The following RNF4 variants were observed in gnomAD, a reference collection of about 807,000 sequenced individuals.
The protein encoded by RNF4 is E3 ubiquitin-protein ligase RNF4.
RNF4 carries 7 observed loss-of-function variants against 24.3 expected under a neutral mutation model. The observed-to-expected ratio is 0.29, with a 90% confidence interval of 0.16 to 0.54. RNF4 has a LOEUF of 0.54. RNF4 is among the 20% of genes least tolerant of loss of function. The probability of loss-of-function intolerance (pLI) is 0.95; values close to 1 mark genes in which losing one functional copy is unlikely to be tolerated. For synonymous variants in RNF4, 83 were observed against 84.3 expected (o/e 0.98, Z 0.09); for missense variants, 209 against 248.5 (o/e 0.84, Z 1.07).
At chr4:2,508,494 A>T (rs1736167747) in intron 4 of RNF4, among the ~76,000 whole-genome samples, 1 of 152,230 alleles carries the variant, frequency 6.6e-6, no homozygotes, top group Non-Finnish European at 1.5e-5. Flanking sequence ...CACTGGGTGG[A>T]GGGAACACCA....
At position 2,512,359 on chromosome 4, in the gene RNF4, TAAG is replaced by T; in HGVS notation, c.215-77_215-75del. 1 of 1,504,298 alleles carries T rather than the reference TAAG, an allele frequency of 6.6e-7. No homozygotes were observed. The highest frequency in any genetic ancestry group is 1.4e-5 in the African/African-American group (1 of 72,202). 93.2% of individuals were successfully genotyped at this position (1,504,298 alleles called of 1,614,324 possible). A position where few individuals can be genotyped will look rare whatever the true frequency, so the allele number is the denominator to read the frequency against. On this transcript the variant is annotated intron_variant, in intron 5 of 7. Transcript: ENST00000314289. The surrounding 1 kb of genome is among the most constrained non-coding windows in gnomAD (Gnocchi z 4.1). The stretch of plus-strand genomic sequence containing the variant: ...CCCAGGCAGGGAAGGAAGAGGGTCT[TAAG>T]AGGCGTCAGGATGGGAGTGGTGAGG...
rs554191644 is a variant in RNF4 at position 2,506,636 on chromosome 4, C to T, written c.205-5320C>T. Among the ~76,000 whole-genome samples, 6 of 151,672 alleles carry T rather than the reference C, an allele frequency of 4.0e-5. No individual in the cohort carries two copies. In the South Asian group the frequency reaches 8.3e-4, roughly 21 times the overall value. ...AGGCTGGAGTGCAGTGGTGCCATCA[C>T]GGCTCACTGCAGCCTGTACCTTCTG... is the stretch of plus-strand genomic sequence containing the variant. On this transcript the variant is annotated intron_variant, in intron 4 of 7. Transcript: ENST00000314289.
chr4:2,495,923 G>A (rs940314586), intron 2 of RNF4, among the ~76,000 whole-genome samples: 4 of 152,190 alleles, frequency 2.6e-5, no homozygotes, highest in African/African-American at 7.2e-5. Context: ...GAGCCACTGC[G>A]CCTGGCCAGC....
intron 7 of RNF4, among the ~76,000 whole-genome samples, chr4:2,513,417 A>T (rs978435414): frequency 2.1e-4 from 32 of 152,226 alleles, no homozygotes; most frequent in Non-Finnish European, 1.0e-4. Context: ...GAAAGCTGCT[A>T]GTGTTTACTG....
chr4:2,476,745 A>G (rs945220144), intron 1 of RNF4, among the ~76,000 whole-genome samples: 13 of 133,256 alleles, frequency 9.8e-5, no homozygotes, highest in African/African-American at 3.7e-4. Flanking sequence ...TTGTCTTCCT[A>G]TGTTTCCCGG....
intron 4 of RNF4, among the ~76,000 whole-genome samples, chr4:2,509,915 C>T (rs997939032): frequency 6.6e-6 from 1 of 152,174 alleles, no homozygotes; most frequent in African/African-American, 2.4e-5. Flanking sequence ...TTTGCTTTTG[C>T]TCCCAGCTAA....
chr4:2,502,397 G>C (rs1186500675), intron 4 of RNF4, among the ~76,000 whole-genome samples: 1 of 152,054 alleles, frequency 6.6e-6, no homozygotes, highest in Non-Finnish European at 1.5e-5. Context: ...TTAGAAACAG[G>C]GTCTCAGGCT....
At chr4:2,485,069 C>T (rs1735365573) in intron 1 of RNF4, among the ~76,000 whole-genome samples, 1 of 152,164 alleles carries the variant, frequency 6.6e-6, no homozygotes, top group Non-Finnish European at 1.5e-5. Flanking sequence ...ACCCCACCCA[C>T]ATACATTGTT....
chr4:2,514,819 C>G lies in RNF4; in HGVS notation c.*1000C>G, dbSNP rs1012488576. 1.3e-5 allele frequency: 2 copies of G among 152,698 alleles called. No homozygotes were observed. Among genetic ancestry groups the G allele is most frequent in the African/African-American group, 2.4e-5 (1 of 41,444 alleles). The allele number at this position is 152,698 out of a possible 1,614,324, so 9.5% of individuals were successfully genotyped here. A position where few individuals can be genotyped will look rare whatever the true frequency, so the allele number is the denominator to read the frequency against. On this transcript the variant is annotated 3_prime_UTR_variant, in exon 8 of 8. Transcript: ENST00000314289. Reference sequence around the variant, plus strand: ...GCCCAGGTCACTGTTGCCCCATGTTCGGAGAACCTGGCCCACCTGTCTTGG... The same window carrying G: ...GCCCAGGTCACTGTTGCCCCATGTTGGGAGAACCTGGCCCACCTGTCTTGG...
rs948558138 is a variant in RNF4, at chr4:2,513,959, A to T, written c.*140A>T. The T allele has an allele frequency of 1.4e-4, 155 of 1,144,720 alleles. No individual in the cohort carries two copies. Among genetic ancestry groups the T allele is most frequent in the Non-Finnish European group, 1.8e-4 (142 of 797,012 alleles). 70.9% of individuals were successfully genotyped at this position (1,144,720 alleles called of 1,614,324 possible). On this transcript the variant is annotated 3_prime_UTR_variant, in exon 8 of 8. Transcript: ENST00000314289. ...TATGTAAACTGCTCTTTTGTTTCCA[A>T]CCCCTTCCTTTTGTTATCTCCAGTT... is the stretch of plus-strand genomic sequence containing the variant.
intron 1 of RNF4, among the ~76,000 whole-genome samples, chr4:2,489,592 C>A (rs1046849745): frequency 6.6e-6 from 1 of 152,148 alleles, no homozygotes; most frequent in African/African-American, 2.4e-5. Flanking sequence ...GAAGCACTCT[C>A]CTAATCTAAG....
intron 1 of RNF4, among the ~76,000 whole-genome samples, chr4:2,478,620 C>T (rs1035689114): frequency 2.0e-4 from 30 of 152,378 alleles, no homozygotes; most frequent in African/African-American, 7.0e-4. Context: ...GGCCCCAAAC[C>T]TTGGCAGCTT....
chr4:2,504,395 A>T (rs1291731060), intron 4 of RNF4, among the ~76,000 whole-genome samples: 1 of 152,110 alleles, frequency 6.6e-6, no homozygotes, highest in Non-Finnish European at 1.5e-5. Flanking sequence ...AGCCATTCTG[A>T]TGCTTGTCCA....
intron 2 of RNF4, among the ~76,000 whole-genome samples, chr4:2,493,444 G>A (rs1735640029): frequency 6.6e-6 from 1 of 152,070 alleles, no homozygotes; most frequent in South Asian, 2.1e-4. Flanking sequence ...AACCACACAG[G>A]TAGCTGTGGG....
Position 2,511,983 on chromosome 4 carries a change from CT to C in RNF4, c.214+23del, listed in dbSNP as rs1684796583. 3.1e-6 allele frequency: 5 copies of C among 1,604,918 alleles called. No homozygotes were observed. The highest frequency in any genetic ancestry group is 1.7e-5 in the Admixed American group (1 of 58,580). On this transcript the variant is annotated intron_variant, in intron 5 of 7. Transcript: ENST00000314289. ...TGTTGACGGTGAGTGGTTTCGTTTC[CT>C]TTTTCACTGGGTTTGGAGAGGAAAC...
chr4:2,513,659 A>G lies in RNF4; in HGVS notation c.424-11A>G. The G allele has an allele frequency of 6.2e-7, 1 of 1,612,932 alleles. No homozygotes were observed. Among genetic ancestry groups the G allele is most frequent in the Non-Finnish European group, 8.5e-7 (1 of 1,179,702 alleles). On this transcript the variant is annotated splice_polypyrimidine_tract_variant and intron_variant, in intron 7 of 7. Coordinates refer to ENST00000314289, the MANE Select transcript of RNF4 (RefSeq NM_002938.5). ...GCAAACTCGGAGGCTCTTCTTTTTA[A>G]TGCCTTCTAGATCGTGCAGAATGGA...
Position 2,498,910 on chromosome 4 carries a change from C to G in RNF4, c.125-1749C>G, listed in dbSNP as rs561830863. 2.0e-5 allele frequency among the ~76,000 whole-genome samples: 3 copies of G among 151,700 alleles called. No individual in the cohort carries two copies. In the South Asian group the frequency reaches 6.2e-4, roughly 32 times the overall value. ...CCTAAAAAATAAATAAAAGAAGTTA[C>G]GTTGGGTTGGGCGCCATGGCTGGCT... On this transcript the variant is annotated intron_variant, in intron 3 of 7. Transcript: ENST00000314289.
At chr4:2,509,387 T>G (rs1184983156) in intron 4 of RNF4, among the ~76,000 whole-genome samples, 2 of 151,586 alleles carry the variant, frequency 1.3e-5, no homozygotes, top group Non-Finnish European at 2.9e-5. Flanking sequence ...CCAGCTAATT[T>G]TTGTAGTTTT....
intron 1 of RNF4, among the ~76,000 whole-genome samples, chr4:2,479,537 T>C (rs1329321229): frequency 1.3e-5 from 2 of 152,138 alleles, no homozygotes; most frequent in Non-Finnish European, 2.9e-5. Context: ...CTGATAGTTT[T>C]ATAAGGGGGA....
Sources: allele counts gnomAD v4.1 joint callset (sites outside exome capture counted in the v4.1 genomes callset), GRCh38; gene constraint gnomAD v4.1.1; non-coding constraint Gnocchi (gnomAD v3.1); transcripts MANE v1.5; gene names NCBI Gene and HGNC (gene_info 2026-07-23, HGNC 2026-07-21).